The following KCTD20 variants were observed in gnomAD, a reference collection of about 807,000 sequenced individuals.
KCTD20 encodes the protein BTB/POZ domain-containing protein KCTD20.
A neutral mutation model predicts 39.6 loss-of-function variants in KCTD20; 30 were observed. That is an observed-to-expected ratio of 0.76 (90% CI 0.57 to 1.03). The LOEUF (loss-of-function observed/expected upper bound fraction) is 1.03, where lower values mean the gene tolerates loss of function less well. KCTD20 is among the 50% of genes least tolerant of loss of function. The pLI is 0.00. For synonymous variants in KCTD20, 162 were observed against 180.6 expected (o/e 0.90, Z 0.83); for missense variants, 422 against 522.0 (o/e 0.81, Z 1.87).
intron 7 of KCTD20, among the ~76,000 whole-genome samples, chr6:36,485,337 A>G (rs1776383767): frequency 6.6e-6 from 1 of 151,970 alleles, no homozygotes; most frequent in South Asian, 2.1e-4. Flanking sequence ...AGATTATTCC[A>G]TACTTTTGAG....
rs146854011 is a variant in KCTD20, at chr6:36,462,848, CTG to C, written c.-46-7201_-46-7200del. 3.6e-3 allele frequency among the ~76,000 whole-genome samples: 541 copies of C among 152,318 alleles called. 1 individual carries two copies. The highest frequency in any genetic ancestry group is 0.012 in the African/African-American group (507 of 41,578). ...TTCTCTTATAGCCCCTCCAGTCTGT[CTG>C]TGGTCTTATTTATCTTAAAGCAACA... On this transcript the variant is annotated intron_variant, in intron 1 of 7. Transcript: ENST00000373731.
chr6:36,445,362 G>C (rs754124907), intron 1 of KCTD20, among the ~76,000 whole-genome samples: 1 of 151,530 alleles, frequency 6.6e-6, no homozygotes, highest in Non-Finnish European at 1.5e-5. Context: ...CCTTCAAATA[G>C]ATGTGTAGAG....
chr6:36,465,296 CA>C (rs143652568), intron 1 of KCTD20, among the ~76,000 whole-genome samples: 28,551 of 83,124 alleles, frequency 0.34, 2,626 homozygotes, highest in East Asian at 0.47. Flanking sequence ...GATTCCGTCT[CA>C]AAAAAAAAAA....
chr6:36,476,713 C>T (rs1307096510), intron 3 of KCTD20, among the ~76,000 whole-genome samples: 2 of 152,180 alleles, frequency 1.3e-5, no homozygotes, highest in African/African-American at 4.8e-5. Flanking sequence ...CAGGCATGAG[C>T]CACTGTGCCT....
intron 1 of KCTD20, among the ~76,000 whole-genome samples, chr6:36,463,553 G>A (rs928605980): frequency 6.6e-6 from 1 of 152,182 alleles, no homozygotes; most frequent in Non-Finnish European, 1.5e-5. Flanking sequence ...CAAAATTGTT[G>A]TGTTGGAACT....
At chr6:36,459,822 T>C (rs1417891105) in intron 1 of KCTD20, among the ~76,000 whole-genome samples, 1 of 152,270 alleles carries the variant, frequency 6.6e-6, no homozygotes, top group Non-Finnish European at 1.5e-5. Context: ...ACTATAGTAC[T>C]GATTTATGGA....
At chr6:36,468,814 AGAAAGATTTCATCAATT>A (rs1775833217) in intron 1 of KCTD20, among the ~76,000 whole-genome samples, 1 of 152,228 alleles carries the variant, frequency 6.6e-6, no homozygotes, top group South Asian at 2.1e-4. Context: ...CCATTGTCTG[AGAAAGATTTCATCAATT>A]GAAAGTATCT....
chr6:36,449,823 T>C (rs772679384), intron 1 of KCTD20, among the ~76,000 whole-genome samples: 2 of 152,150 alleles, frequency 1.3e-5, no homozygotes, highest in South Asian at 2.1e-4. Context: ...GCTTCACATA[T>C]GAATTTTGAG....
intron 1 of KCTD20, among the ~76,000 whole-genome samples, chr6:36,455,235 C>T (rs570260404): frequency 2.4e-4 from 36 of 152,142 alleles, no homozygotes; most frequent in African/African-American, 8.7e-4. Context: ...CAGTGAAACC[C>T]TGCCGCTACT....
intron 6 of KCTD20, 147 bp downstream of exon 6, chr6:36,481,906 C>A: frequency 1.5e-6 from 1 of 687,288 alleles, no homozygotes; most frequent in Non-Finnish European, 2.5e-6. Flanking sequence ...TGACGCAGGT[C>A]TAGCCTTTAT....
rs1242008727 is a variant in KCTD20 at position 36,487,596 on chromosome 6, GTGACAATCTC to G, written c.*423_*432del. ...GTAGCAAAGGGACCAAACTGAAAAG[GTGACAATCTC>G]TAACTTCTAAAAGCAGACACCAATC... On this transcript the variant is annotated 3_prime_UTR_variant, in exon 8 of 8. Coordinates refer to ENST00000373731, the MANE Select transcript of KCTD20 (RefSeq NM_173562.5). The G allele has an allele frequency of 6.3e-6, 1 of 158,002 alleles. No individual in the cohort carries two copies. The highest frequency in any genetic ancestry group is 1.4e-5 in the Non-Finnish European group (1 of 71,932). The allele number at this position is 158,002 out of a possible 1,614,324, so 9.8% of individuals were successfully genotyped here.
At chr6:36,453,524 T>G (rs183735098) in intron 1 of KCTD20, among the ~76,000 whole-genome samples, 24 of 149,720 alleles carry the variant, frequency 1.6e-4, no homozygotes, top group East Asian at 3.9e-4. Flanking sequence ...TTTGTTTTTT[T>G]TTTTTTTGAG....
At chr6:36,458,541 CAAAAAAAAAAA>C in intron 1 of KCTD20, among the ~76,000 whole-genome samples, 1 of 66,882 alleles carries the variant, frequency 1.5e-5, no homozygotes, top group Non-Finnish European at 3.2e-5. Flanking sequence ...AACTCCATCT[CAAAAAAAAAAA>C]AAAAAAAAGA....
At chr6:36,446,539 C>A (rs1459531548) in intron 1 of KCTD20, among the ~76,000 whole-genome samples, 1 of 152,150 alleles carries the variant, frequency 6.6e-6, no homozygotes, top group African/African-American at 2.4e-5. Context: ...GTAATCCCAG[C>A]ACTTTGGGAG....
At position 36,475,045 on chromosome 6, in the gene KCTD20, G is replaced by A. The variant is rs141695806; in HGVS notation, c.417G>A (p.Pro139=). The A allele has an allele frequency of 4.7e-5, 76 of 1,613,530 alleles. No homozygotes were observed. Among genetic ancestry groups the A allele is most frequent in the Middle Eastern group, 1.6e-4 (1 of 6,084 alleles). Residue 139 remains proline (P), a synonymous_variant, in exon 3 of 8, where the codon CCG becomes CCA. Coordinates refer to ENST00000373731, the MANE Select transcript of KCTD20 (RefSeq NM_173562.5). ...VVNPQIFTAH[P]DTMLGRMFGP... ...ATCCACAGATTTTCACTGCTCATCC[G>A]GATACCATGCTGGGAAGGTAACTGA... is the stretch of plus-strand genomic sequence containing the variant.
intron 1 of KCTD20, chr6:36,465,516 A>G (rs549180451): frequency 4.2e-5 from 4 of 94,120 alleles, no homozygotes; most frequent in Non-Finnish European, 8.3e-5. Flanking sequence ...ATAAGAAAAT[A>G]TATAAATTTA....
chr6:36,472,527 T>C (rs1334301525), intron 2 of KCTD20, among the ~76,000 whole-genome samples: 1 of 148,934 alleles, frequency 6.7e-6, no homozygotes, highest in South Asian at 2.1e-4. Flanking sequence ...AGTAATTCAG[T>C]TGTATTGATA....
Position 36,471,795 on chromosome 6 carries a change from T to C in KCTD20, c.160+1538T>C, listed in dbSNP as rs548999899. Among the ~76,000 whole-genome samples the C allele has an allele frequency of 2.2e-3, 341 of 152,288 alleles. 3 individuals carry two copies. The highest frequency in any genetic ancestry group is 7.5e-3 in the African/African-American group (310 of 41,564). On this transcript the variant is annotated intron_variant, in intron 2 of 7. Transcript: ENST00000373731. ...TAAACCCATTTTAATTGCTTCATTA[T>C]TGGGGAGAAATCAAGCATTCTAAAG...
intron 1 of KCTD20, among the ~76,000 whole-genome samples, chr6:36,450,004 A>T (rs1388044541): frequency 1.3e-5 from 2 of 151,922 alleles, no homozygotes; most frequent in Admixed American, 6.6e-5. Context: ...CTGTACTAAA[A>T]ATATAAAAAA....
Sources: gnomAD v4.1 joint callset for allele counts (sites outside exome capture counted in the v4.1 genomes callset) on GRCh38, gnomAD v4.1.1 for gene constraint, MANE v1.5 for transcripts, NCBI Gene and HGNC (gene_info 2026-07-23, HGNC 2026-07-21) for gene names.